PCDHAC1: variants seen among roughly 807,000 people sequenced by gnomAD.
The protein encoded by PCDHAC1 is protocadherin alpha subfamily C, 1, also known as protocadherin alpha-C1.
In PCDHAC1, 42 loss-of-function variants were observed where a neutral mutation model predicts 60.0. That is an observed-to-expected ratio of 0.70 (90% CI 0.55 to 0.90). The LOEUF is 0.90. Ranked by LOEUF, PCDHAC1 falls within the 40% of genes least tolerant of loss-of-function variation. The pLI is 0.00. For synonymous variants in PCDHAC1, 468 were observed against 499.3 expected (o/e 0.94, Z 0.84); for missense variants, 1,160 against 1,222.3 (o/e 0.95, Z 0.76).
At chr5:140,931,881 T>C (rs2087825880) in intron 1 of PCDHAC1, among the ~76,000 whole-genome samples, 1 of 152,002 alleles carries the variant, frequency 6.6e-6, no homozygotes, top group African/African-American at 2.4e-5. Flanking sequence ...TTTATTGCTT[T>C]CATTTTATTT....
At chr5:141,003,761 C>T (rs1371194132) in intron 3 of PCDHAC1, among the ~76,000 whole-genome samples, 3 of 152,160 alleles carry the variant, frequency 2.0e-5, no homozygotes, top group Admixed American at 1.3e-4. Flanking sequence ...TAATTATGGT[C>T]GTATTCTGTT....
Position 140,967,485 on chromosome 5 carries a change from C to T in PCDHAC1, c.2434-11464C>T, listed in dbSNP as rs781948599. 7 of 1,613,056 alleles carry T rather than the reference C, an allele frequency of 4.3e-6. No individual in the cohort carries two copies. The South Asian group carries it at 5.5e-5, about 13-fold the overall frequency. On this transcript the variant is annotated intron_variant, in intron 1 of 3. Coordinates refer to ENST00000253807, the MANE Select transcript of PCDHAC1 (RefSeq NM_018898.5). ...GGGGGCATCCCAGCCCGCTCGGGTA[C>T]GGCACAGATCTCTGTGCGTGTCCTG...
intron 3 of PCDHAC1, among the ~76,000 whole-genome samples, chr5:140,992,147 G>A (rs1304729438): frequency 2.0e-5 from 3 of 151,714 alleles, no homozygotes; most frequent in Non-Finnish European, 4.4e-5. Context: ...TGCTAACTTT[G>A]CTCAATCAAG....
intron 3 of PCDHAC1, among the ~76,000 whole-genome samples, chr5:140,987,213 CAA>C (rs58319157): frequency 9.3e-5 from 11 of 118,826 alleles, no homozygotes; most frequent in African/African-American, 1.6e-4. Flanking sequence ...GACTCCATCT[CAA>C]AAAAAAAAAA....
intron 1 of PCDHAC1, among the ~76,000 whole-genome samples, chr5:140,963,050 G>A (rs2095732681): frequency 6.6e-6 from 1 of 152,030 alleles, no homozygotes; most frequent in African/African-American, 2.4e-5. Flanking sequence ...AGTCTATAAG[G>A]GTTTCTACAT....
At chr5:140,967,253 C>T in intron 1 of PCDHAC1, 4 of 1,613,546 alleles carry the variant, frequency 2.5e-6, no homozygotes, top group South Asian at 1.1e-5. Context: ...ATCGGTGGCG[C>T]CTGGAGCGCG....
chr5:140,967,529 C>A, intron 1 of PCDHAC1: 1 of 1,613,244 alleles, frequency 6.2e-7, no homozygotes, highest in South Asian at 1.1e-5. Context: ...CGACAACTCT[C>A]CTGCCTTTGA....
At chr5:140,939,441 T>A (rs1471285631) in intron 1 of PCDHAC1, among the ~76,000 whole-genome samples, 1 of 152,274 alleles carries the variant, frequency 6.6e-6, no homozygotes, top group East Asian at 1.9e-4. Flanking sequence ...TTTGAAGAAT[T>A]AAGAGTGAAA....
In PCDHAC1 at chr5:140,927,522, A is replaced by G. The variant is rs1292484442; in HGVS notation, c.630A>G (p.Leu210=). The change falls in exon 1 of 4, where the codon CTA becomes CTG. Residue 210 remains leucine, a synonymous_variant. Coordinates refer to ENST00000253807, the MANE Select transcript of PCDHAC1 (RefSeq NM_018898.5). ...TGCTTACAGCTCGGGACGGCGGGCT[A>G]CCTGCCCGCTCAGGAGACGCACAAG... ...LLVLTARDGG[L]PARSGDAQVT... is the part of the protein sequence containing the mutation. 5.6e-6 allele frequency: 9 copies of G among 1,614,088 alleles called. No homozygotes were observed. In the South Asian group the frequency reaches 9.9e-5, roughly 18 times the overall value.
At chr5:140,987,314 G>A (rs1554249065) in intron 3 of PCDHAC1, among the ~76,000 whole-genome samples, 1 of 152,126 alleles carries the variant, frequency 6.6e-6, no homozygotes, top group Non-Finnish European at 1.5e-5. Flanking sequence ...CCAATGTACT[G>A]TGAAGTTTTA....
intron 3 of PCDHAC1, 155 bp downstream of exon 3, chr5:140,982,718 T>A: frequency 1.1e-6 from 1 of 924,050 alleles, no homozygotes; most frequent in Non-Finnish European, 1.3e-6. Flanking sequence ...CATATATGAT[T>A]ATTTTGATTT....
intron 3 of PCDHAC1, among the ~76,000 whole-genome samples, chr5:141,002,090 A>AGG (rs782223041): frequency 1.3e-5 from 2 of 152,254 alleles, no homozygotes; most frequent in Non-Finnish European, 2.9e-5. Flanking sequence ...CGAGCAGTCC[A>AGG]GGGGCTGGGC....
At chr5:140,929,362 G>A (rs781830495) in intron 1 of PCDHAC1, 37 bp downstream of exon 1, 13 of 1,520,234 alleles carry the variant, frequency 8.6e-6, no homozygotes, top group Middle Eastern at 1.8e-4. Flanking sequence ...CCTTTGGCCC[G>A]GAGATGGCTG....
intron 1 of PCDHAC1, among the ~76,000 whole-genome samples, chr5:140,964,713 A>C (rs2095850699): frequency 6.6e-6 from 1 of 152,070 alleles, no homozygotes; most frequent in South Asian, 2.1e-4. Flanking sequence ...TCCGAGATCA[A>C]ATTACCACAG....
chr5:140,969,418 TTAACAG>T (rs782375088), intron 1 of PCDHAC1: 40 of 1,564,272 alleles, frequency 2.6e-5, no homozygotes, highest in Non-Finnish European at 3.4e-5. Context: ...TATTGAGTCA[TTAACAG>T]TGACAAGAGT....
chr5:140,993,661 A>G (rs902592339), intron 3 of PCDHAC1, among the ~76,000 whole-genome samples: 1 of 152,182 alleles, frequency 6.6e-6, no homozygotes, highest in African/African-American at 2.4e-5. Flanking sequence ...TTGGTTAACA[A>G]TGGACCACAT....
rs782305388 is a variant in PCDHAC1 at position 140,928,695 on chromosome 5, C to T, written c.1803C>T (p.Ser601=). The part of the protein sequence containing the change: ...GSNAWLSYHI[S]RASDSSLFRI... ...ATGCCTGGCTTTCCTACCACATCTCCCGGGCGTCTGACTCTAGTCTCTTTA... is the reference window on the plus strand; with the variant it reads ...ATGCCTGGCTTTCCTACCACATCTCTCGGGCGTCTGACTCTAGTCTCTTTA... The change falls in exon 1 of 4, where the codon TCC becomes TCT. Residue 601 remains serine, a synonymous_variant. Transcript: ENST00000253807. 9.3e-6 allele frequency: 15 copies of T among 1,614,058 alleles called. No individual in the cohort carries two copies. The highest frequency in any genetic ancestry group is 1.3e-5 in the Non-Finnish European group (15 of 1,180,040).
Position 140,929,116 on chromosome 5 carries a change from A to G in PCDHAC1, c.2224A>G (p.Ile742Val), listed in dbSNP as rs535394812. The G allele has an allele frequency of 2.9e-5, 47 of 1,614,170 alleles. No homozygotes were observed. The East Asian group carries it at 8.9e-4, about 31-fold the overall frequency. ...VSNPCMTSAT[I>V]DVTTVERLSQ... Reference sequence around the variant, plus strand: ...AAATCCTTGCATGACATCAGCCACCATAGATGTCACTACAGTTGAGAGACT... The same window carrying G: ...AAATCCTTGCATGACATCAGCCACCGTAGATGTCACTACAGTTGAGAGACT... The change falls in exon 1 of 4, where the codon ATA (isoleucine) becomes GTA (valine). Residue 742 changes from isoleucine (I) to valine (V), a missense_variant. Coordinates refer to ENST00000253807, the MANE Select transcript of PCDHAC1 (RefSeq NM_018898.5).
At chr5:140,975,283 A>G (rs1554236730) in intron 1 of PCDHAC1, among the ~76,000 whole-genome samples, 1 of 152,122 alleles carries the variant, frequency 6.6e-6, no homozygotes, top group Non-Finnish European at 1.5e-5. Context: ...TGACCTCTAG[A>G]CCCAGATTTA....
Sources: gnomAD v4.1 joint callset for allele counts (sites outside exome capture counted in the v4.1 genomes callset) on GRCh38, gnomAD v4.1.1 for gene constraint, MANE v1.5 for transcripts, NCBI Gene and HGNC (gene_info 2026-07-23, HGNC 2026-07-21) for gene names.